Variants in PCDHA7 observed in about 807,000 individuals in gnomAD.
The protein encoded by PCDHA7 is protocadherin alpha-7.
In PCDHA7, 37 loss-of-function variants were observed where a neutral mutation model predicts 57.2. That is an observed-to-expected ratio of 0.65 (90% confidence interval 0.50 to 0.85). PCDHA7 has a LOEUF of 0.85. Ranked by LOEUF, PCDHA7 falls within the 40% of genes least tolerant of loss-of-function variation. The pLI is 0.00. For synonymous variants in PCDHA7, 553 were observed against 558.8 expected (o/e 0.99, Z 0.15); for missense variants, 1,188 against 1,241.8 (o/e 0.96, Z 0.65).
At chr5:140,907,239 C>T (rs1447900433) in intron 1 of PCDHA7, among the ~76,000 whole-genome samples, 1 of 152,200 alleles carries the variant, frequency 6.6e-6, no homozygotes, top group Non-Finnish European at 1.5e-5. Context: ...ACCTAGTTGA[C>T]ATTGTAATTG....
rs1554262648 is a variant in PCDHA7, at chr5:141,010,047, A to G, written c.*110A>G. On this transcript the variant is annotated 3_prime_UTR_variant, in exon 4 of 4. Coordinates refer to ENST00000525929, the MANE Select transcript of PCDHA7 (RefSeq NM_018910.3). The stretch of plus-strand genomic sequence containing the variant: ...CCTATCTACATGAGCCCTCTTAGAG[A>G]CCTCAGAAATCTGCAGAAAGTTCCC... 1.9e-6 allele frequency: 3 copies of G among 1,595,144 alleles called. No homozygotes were observed. The highest frequency in any genetic ancestry group is 1.7e-6 in the Non-Finnish European group (2 of 1,171,458).
In PCDHA7 at chr5:140,855,633, A is replaced by G. The variant is rs2043544595; in HGVS notation, c.2355+18895A>G. On this transcript the variant is annotated intron_variant, in intron 1 of 3. Transcript: ENST00000525929. ...ATTAAGGGCATTTTGAAATTCGGCT[A>G]TTGATAATCATGTGGTTAGGGAAGA... 1.3e-5 allele frequency among the ~76,000 whole-genome samples: 2 copies of G among 149,874 alleles called. 1 individual carries two copies. Among genetic ancestry groups the G allele is most frequent in the African/African-American group, 4.9e-5 (2 of 40,848 alleles).
chr5:140,937,953 T>G (rs955302275), intron 1 of PCDHA7, among the ~76,000 whole-genome samples: 5 of 152,174 alleles, frequency 3.3e-5, no homozygotes, highest in South Asian at 2.1e-4. Flanking sequence ...TGGCTTTTGT[T>G]GAAAGTATAT....
chr5:140,968,328 A>AT (rs1554230627), intron 1 of PCDHA7: 1 of 1,614,076 alleles, frequency 6.2e-7, no homozygotes, highest in South Asian at 1.1e-5. Flanking sequence ...GTCACCTCCT[A>AT]TGTCTCCATT....
intron 1 of PCDHA7, chr5:140,841,180 T>C (rs1240672085): frequency 8.7e-7 from 1 of 1,146,740 alleles, no homozygotes; most frequent in Non-Finnish European, 1.2e-6. Flanking sequence ...TGGTCAATGT[T>C]CAAAGTCTTT....
At chr5:140,871,134 C>G in intron 1 of PCDHA7, 9 of 1,613,414 alleles carry the variant, frequency 5.6e-6, no homozygotes, top group Non-Finnish European at 6.8e-6. Flanking sequence ...CGCCAAAGGC[C>G]TCTTCCCGGA....
At chr5:140,866,376 CA>C (rs2049320172) in intron 1 of PCDHA7, 1 of 152,074 alleles carries the variant, frequency 6.6e-6, no homozygotes, top group South Asian at 2.1e-4. Flanking sequence ...ACTTCAATAA[CA>C]ATTTTAAAGA....
intron 1 of PCDHA7, 122 bp downstream of exon 1, chr5:140,836,860 A>G: frequency 1.3e-6 from 1 of 774,528 alleles, no homozygotes; most frequent in East Asian, 2.8e-5. Context: ...TTATTTTTTA[A>G]TGTTATGCTG....
Position 140,883,553 on chromosome 5 carries a change from G to A in PCDHA7, c.2355+46815G>A, listed in dbSNP as rs782158028. The A allele has an allele frequency of 4.3e-6, 7 of 1,614,122 alleles. No individual in the cohort carries two copies. In the South Asian group the frequency reaches 7.7e-5, roughly 18 times the overall value. On this transcript the variant is annotated intron_variant, in intron 1 of 3. Transcript: ENST00000525929. The stretch of plus-strand genomic sequence containing the variant: ...CTATGAACTGGTGGTGACCGCGCGG[G>A]ACGGGGGCTCGCCTTCGCTGTGGGC...
At chr5:140,937,500 C>T (rs2091549219) in intron 1 of PCDHA7, among the ~76,000 whole-genome samples, 1 of 152,024 alleles carries the variant, frequency 6.6e-6, no homozygotes, top group Admixed American at 6.6e-5. Context: ...ACCCGTAATC[C>T]CAGCTACTCA....
chr5:140,869,853 C>A (rs1408875478), intron 1 of PCDHA7: 1 of 1,610,606 alleles, frequency 6.2e-7, no homozygotes, highest in Admixed American at 1.7e-5. Context: ...ATAAGGTGAG[C>A]CTTATGGAAA....
intron 1 of PCDHA7, among the ~76,000 whole-genome samples, chr5:140,917,533 T>C (rs1584058253): frequency 6.6e-6 from 1 of 152,346 alleles, no homozygotes; most frequent in East Asian, 1.9e-4. Context: ...GTTTGTATAG[T>C]TTTAGGTTTT....
At chr5:140,843,431 A>G (rs1554140071) in intron 1 of PCDHA7, 3 of 1,596,040 alleles carry the variant, frequency 1.9e-6, no homozygotes, top group South Asian at 1.1e-5. Flanking sequence ...GATCATCGCC[A>G]TCTGCGCGGT....
intron 1 of PCDHA7, chr5:140,864,049 A>G (rs2048299792): frequency 6.5e-6 from 1 of 152,910 alleles, no homozygotes; most frequent in Non-Finnish European, 1.5e-5. Flanking sequence ...ACTTTTTACT[A>G]CAGTCACCAT....
At chr5:140,856,574 T>C in intron 1 of PCDHA7, 1 of 1,597,714 alleles carries the variant, frequency 6.3e-7, no homozygotes, top group Non-Finnish European at 8.6e-7. Flanking sequence ...TCCAAATGAG[T>C]ATTTTGTTCT....
At chr5:140,905,135 T>A (rs2071619691) in intron 1 of PCDHA7, among the ~76,000 whole-genome samples, 1 of 152,208 alleles carries the variant, frequency 6.6e-6, no homozygotes, top group Non-Finnish European at 1.5e-5. Context: ...GAAGAGTTTT[T>A]CTGCTGTTAT....
At chr5:140,985,154 G>T (rs2097139142) in intron 3 of PCDHA7, among the ~76,000 whole-genome samples, 1 of 152,086 alleles carries the variant, frequency 6.6e-6, no homozygotes, top group South Asian at 2.1e-4. Flanking sequence ...AGCCAGGATT[G>T]TCTCAATCTC....
At chr5:141,006,978 T>C (rs2098297277) in intron 3 of PCDHA7, among the ~76,000 whole-genome samples, 1 of 152,090 alleles carries the variant, frequency 6.6e-6, no homozygotes, top group African/African-American at 2.4e-5. Context: ...CACAGAGAGA[T>C]GTGGGCTTAA....
intron 1 of PCDHA7, among the ~76,000 whole-genome samples, chr5:140,872,927 T>A (rs1020178513): frequency 3.9e-5 from 6 of 152,216 alleles, no homozygotes; most frequent in African/African-American, 1.4e-4. Flanking sequence ...TTATCTCTAA[T>A]GTTTTTGAAA....
Sources: allele counts gnomAD v4.1 joint callset (sites outside exome capture counted in the v4.1 genomes callset), GRCh38; gene constraint gnomAD v4.1.1; transcripts MANE v1.5; gene names NCBI Gene and HGNC (gene_info 2026-07-23, HGNC 2026-07-21).